NRXN3: variants seen among roughly 807,000 people sequenced by gnomAD.
NRXN3 encodes the protein neurexin III.
NRXN3 carries 32 observed loss-of-function variants against 137.6 expected under a neutral mutation model. The observed-to-expected ratio is 0.23, with a 90% CI of 0.18 to 0.31. The LOEUF (loss-of-function observed/expected upper bound fraction) is 0.31. Among genes scored for constraint, NRXN3 ranks in the 10% least tolerant of loss-of-function variants. The pLI is 1.00. For missense variants in NRXN3, 1,574 were observed against 2,062.5 expected (o/e 0.76, Z 4.59); for synonymous variants, 798 against 784.5 (o/e 1.02, Z -0.29).
chr14:78,456,795 T>C (rs943326553), intron 4 of NRXN3, among the ~76,000 whole-genome samples: 3 of 147,208 alleles, frequency 2.0e-5, no homozygotes, highest in Non-Finnish European at 4.5e-5. Flanking sequence ...CTCTCTCTCT[T>C]TCTCTCTTTC....
At chr14:78,957,503 G>A in intron 11 of NRXN3, 142 bp downstream of exon 11, 1 of 917,236 alleles carries the variant, frequency 1.1e-6, no homozygotes. Flanking sequence ...ACTCAGGCAA[G>A]GCTAAGAAGG....
At chr14:78,797,231 G>A (rs2098824573) in intron 8 of NRXN3, among the ~76,000 whole-genome samples, 1 of 152,104 alleles carries the variant, frequency 6.6e-6, no homozygotes, top group Non-Finnish European at 1.5e-5. Flanking sequence ...ATGAACATAT[G>A]AACAAACAAT....
intron 4 of NRXN3, among the ~76,000 whole-genome samples, chr14:78,604,689 T>C (rs924611663): frequency 6.6e-6 from 1 of 152,182 alleles, no homozygotes; most frequent in Non-Finnish European, 1.5e-5. Context: ...CTGGAGGAGT[T>C]AAGACATTGA....
chr14:79,272,743 G>C (rs75241978), intron 15 of NRXN3, among the ~76,000 whole-genome samples: 1 of 152,122 alleles, frequency 6.6e-6, no homozygotes, highest in Non-Finnish European at 1.5e-5. Context: ...CATGAGCTTC[G>C]TTGTTTTGGA....
intron 15 of NRXN3, among the ~76,000 whole-genome samples, chr14:79,328,954 C>A (rs2091295006): frequency 6.6e-6 from 1 of 151,894 alleles, no homozygotes; most frequent in Non-Finnish European, 1.5e-5. Context: ...CTTTTCTTTT[C>A]CTTCTTTGAC....
Position 79,448,128 on chromosome 14 carries a change from C to T in NRXN3, c.3263-19093C>T, listed in dbSNP as rs771951397. ...CTCTCCTTTGCATCATCCACTCCAG[C>T]GACACTGGTTTCCTTGCTGTTCCTC... On this transcript the variant is annotated intron_variant, in intron 15 of 20. Transcript: ENST00000335750. Among the ~76,000 whole-genome samples, 6 of 152,266 alleles carry T rather than the reference C, an allele frequency of 3.9e-5. No homozygotes were observed. The East Asian group carries it at 5.8e-4, about 15-fold the overall frequency.
At chr14:78,239,754 TG>T (rs893413041) in intron 1 of NRXN3, among the ~76,000 whole-genome samples, 2 of 152,186 alleles carry the variant, frequency 1.3e-5, no homozygotes, top group Admixed American at 1.3e-4. Flanking sequence ...AACAAGTGGA[TG>T]GAGTACAGTG....
chr14:78,926,891 T>TAA (rs2099302762), intron 10 of NRXN3, among the ~76,000 whole-genome samples: 3 of 29,394 alleles, frequency 1.0e-4, no homozygotes, highest in African/African-American at 2.7e-4. Flanking sequence ...TATATTTATA[T>TAA]ATATATATAA....
intron 4 of NRXN3, among the ~76,000 whole-genome samples, chr14:78,491,070 G>C (rs1245935449): frequency 6.6e-6 from 1 of 152,104 alleles, no homozygotes; most frequent in East Asian, 1.9e-4. Flanking sequence ...TTGCATTGCT[G>C]GGTCCCCTTG....
chr14:79,796,990 A>G (rs2099162970), intron 19 of NRXN3, among the ~76,000 whole-genome samples: 1 of 152,230 alleles, frequency 6.6e-6, no homozygotes, highest in South Asian at 2.1e-4. Context: ...TAGTCTATAA[A>G]GTCCATGAGG....
chr14:79,687,448 G>A (rs530414438), intron 17 of NRXN3, among the ~76,000 whole-genome samples: 1 of 152,302 alleles, frequency 6.6e-6, no homozygotes, highest in Admixed American at 6.5e-5. Flanking sequence ...AACTGCCCTA[G>A]TACTTGAGGG....
chr14:78,686,197 A>G (rs896149937), intron 6 of NRXN3, among the ~76,000 whole-genome samples: 1 of 152,218 alleles, frequency 6.6e-6, no homozygotes, highest in South Asian at 2.1e-4. Flanking sequence ...TGTTTGTTGA[A>G]TGAATAACTT....
chr14:78,174,245 G>C (rs540548130), intron 1 of NRXN3, among the ~76,000 whole-genome samples: 1 of 152,206 alleles, frequency 6.6e-6, no homozygotes, highest in South Asian at 2.1e-4. Flanking sequence ...AGTCTGACGG[G>C]GTTACCTCCG....
chr14:78,251,769 G>A (rs753623714), intron 2 of NRXN3, among the ~76,000 whole-genome samples: 16 of 152,208 alleles, frequency 1.1e-4, no homozygotes, highest in Non-Finnish European at 1.5e-4. Flanking sequence ...TAGATTTAGA[G>A]GAACAAGGTG....
chr14:78,741,599 A>G (rs186712167), intron 8 of NRXN3, among the ~76,000 whole-genome samples: 9 of 152,202 alleles, frequency 5.9e-5, no homozygotes, highest in Non-Finnish European at 1.2e-4. Flanking sequence ...TACTCATGAA[A>G]AGCATATGTT....
intron 16 of NRXN3, among the ~76,000 whole-genome samples, chr14:79,603,584 C>T (rs170249): frequency 2.0e-5 from 3 of 151,984 alleles, no homozygotes; most frequent in African/African-American, 4.8e-5. Flanking sequence ...TTATTCTAAT[C>T]GGAGCTTGTT....
intron 10 of NRXN3, among the ~76,000 whole-genome samples, chr14:78,818,617 A>C (rs1041078704): frequency 1.3e-5 from 2 of 152,172 alleles, no homozygotes; most frequent in Non-Finnish European, 1.5e-5. Flanking sequence ...GAAAGTAAGG[A>C]AAATTTCATG....
intron 20 of NRXN3, among the ~76,000 whole-genome samples, chr14:79,836,343 T>C (rs998827401): frequency 2.6e-5 from 4 of 152,170 alleles, no homozygotes; most frequent in Non-Finnish European, 5.9e-5. Flanking sequence ...GTTCTGATGA[T>C]GCTCATTCAA....
rs143746250 is a variant in NRXN3, at chr14:79,466,326, G to A, written c.3263-895G>A. 6.8e-3 allele frequency among the ~76,000 whole-genome samples: 1,033 copies of A among 152,298 alleles called. 8 individuals carry two copies. Among genetic ancestry groups the A allele is most frequent in the Non-Finnish European group, 9.0e-3 (611 of 68,028 alleles). On this transcript the variant is annotated intron_variant, in intron 15 of 20. Coordinates refer to ENST00000335750, the MANE Select transcript of NRXN3 (RefSeq NM_001330195.2). ...CTGGAGGCCAGGTACGGTGGCTCAC[G>A]CCTGTAATCTCAGCACTTTGGGTGG...
Sources: allele counts gnomAD v4.1 joint callset (sites outside exome capture counted in the v4.1 genomes callset), GRCh38; gene constraint gnomAD v4.1.1; transcripts MANE v1.5; gene names NCBI Gene and HGNC (gene_info 2026-07-23, HGNC 2026-07-21).